JHY: variants seen among roughly 807,000 people sequenced by gnomAD.
JHY encodes the protein jhy protein homolog.
In JHY, 69 loss-of-function variants were observed where a neutral mutation model predicts 78.0. The ratio of observed to expected loss-of-function variants is 0.88; its 90% confidence interval spans 0.73 to 1.08. The LOEUF (loss-of-function observed/expected upper bound fraction) is 1.08, where lower values mean the gene tolerates loss of function less well. Among genes scored for constraint, JHY ranks in the 50% least tolerant of loss-of-function variants. The pLI is 0.00. For missense variants in JHY, 944 were observed against 927.8 expected (o/e 1.02, Z -0.23); for synonymous variants, 368 against 342.6 (o/e 1.07, Z -0.82).
At position 122,961,630 on chromosome 11, in the gene JHY, C is replaced by T. The variant is rs1864319006; in HGVS notation, c.*2185C>T. 6.6e-6 allele frequency among the ~76,000 whole-genome samples: 1 copy of T among 152,320 alleles called. No homozygotes were observed. Among genetic ancestry groups the T allele is most frequent in the South Asian group, 2.1e-4 (1 of 4,824 alleles). ...TTGGCCTTCCAAAGTGCTGGGATTA[C>T]AGGCGTTAGCTACTACACCTGGCCC... On this transcript the variant is annotated 3_prime_UTR_variant, in exon 9 of 9. Coordinates refer to ENST00000227349, the MANE Select transcript of JHY (RefSeq NM_024806.4).
In JHY at chr11:122,963,686, C is replaced by A. The variant is rs183005126; in HGVS notation, c.*4241C>A. Reference sequence around the variant, plus strand: ...TGATCAATTCATAGCATTTCTGTTTCAAATATTCAAAAGCAAAAAATAATC... The same window carrying A: ...TGATCAATTCATAGCATTTCTGTTTAAAATATTCAAAAGCAAAAAATAATC... On this transcript the variant is annotated 3_prime_UTR_variant, in exon 9 of 9. Transcript: ENST00000227349. 6.6e-6 allele frequency among the ~76,000 whole-genome samples: 1 copy of A among 152,154 alleles called. No homozygotes were observed. Among genetic ancestry groups the A allele is most frequent in the East Asian group, 1.9e-4 (1 of 5,186 alleles).
At chr11:122,909,872 T>C (rs535505425) in intron 3 of JHY, among the ~76,000 whole-genome samples, 12 of 152,316 alleles carry the variant, frequency 7.9e-5, no homozygotes, top group Admixed American at 5.9e-4. Flanking sequence ...TACATATAAG[T>C]ATAAAAGTGT....
chr11:122,941,203 A>G (rs1863868624), intron 5 of JHY, among the ~76,000 whole-genome samples: 1 of 152,204 alleles, frequency 6.6e-6, no homozygotes, highest in Non-Finnish European at 1.5e-5. Context: ...TGCTACTGAA[A>G]TGTTATTGCT....
chr11:122,904,543 C>A, intron 3 of JHY, 99 bp downstream of exon 3: 1 of 1,335,576 alleles, frequency 7.5e-7, no homozygotes, highest in Non-Finnish European at 1.0e-6. Context: ...ATGACGATGT[C>A]ATAGCAGCCA....
intron 6 of JHY, among the ~76,000 whole-genome samples, chr11:122,951,193 C>T (rs968746660): frequency 3.3e-5 from 5 of 152,194 alleles, no homozygotes; most frequent in Non-Finnish European, 7.3e-5. Context: ...CCCAAGCACC[C>T]TTCCTCTTCT....
chr11:122,955,413 G>A (rs1864167865), intron 6 of JHY, among the ~76,000 whole-genome samples: 3 of 152,224 alleles, frequency 2.0e-5, no homozygotes, highest in South Asian at 2.1e-4. Flanking sequence ...GAGTCACCGC[G>A]CCCAGCCTAA....
intron 6 of JHY, 88 bp from the exon 7 acceptor site, chr11:122,956,408 T>C: frequency 1.9e-6 from 2 of 1,079,044 alleles, no homozygotes; most frequent in Non-Finnish European, 2.7e-6. Context: ...CTTTCTTACT[T>C]TATGTGGCTA....
intron 2 of JHY, 96 bp downstream of exon 2, chr11:122,886,289 C>T: frequency 8.4e-7 from 1 of 1,189,090 alleles, no homozygotes; most frequent in South Asian, 1.6e-5. Context: ...GGCAAGCTGC[C>T]CTAATGAGCG....
intron 3 of JHY, among the ~76,000 whole-genome samples, chr11:122,913,973 G>A (rs116484853): frequency 0.02 from 3,095 of 152,312 alleles, 107 homozygotes; most frequent in African/African-American, 0.068. Flanking sequence ...AACTTGTGCT[G>A]TTAAACACTG....
intron 6 of JHY, among the ~76,000 whole-genome samples, chr11:122,953,365 G>A (rs904073401): frequency 6.6e-6 from 1 of 152,048 alleles, no homozygotes; most frequent in Admixed American, 6.6e-5. Context: ...CACTTTGGGA[G>A]GCCCAGGCAG....
intron 6 of JHY, among the ~76,000 whole-genome samples, chr11:122,948,442 TTAATAATAATAATAA>T (rs10527069): frequency 7.0e-5 from 10 of 143,502 alleles, no homozygotes; most frequent in South Asian, 4.5e-4. Context: ...AAACTTTGTC[TTAATAATAATAATAA>T]TAATAATAAT....
intron 5 of JHY, among the ~76,000 whole-genome samples, chr11:122,940,164 T>G (rs900131567): frequency 2.0e-5 from 3 of 151,838 alleles, no homozygotes; most frequent in Admixed American, 2.0e-4. Context: ...ATGGTGAAAC[T>G]CCCACTCTAC....
At chr11:122,886,236 G>A in intron 2 of JHY, 43 bp downstream of exon 2, 2 of 1,519,862 alleles carry the variant, frequency 1.3e-6, no homozygotes, top group Non-Finnish European at 1.8e-6. Context: ...GCTCTAAAAT[G>A]TATCATTAGA....
At position 122,918,618 on chromosome 11, in the gene JHY, T is replaced by C. The variant is rs911431509; in HGVS notation, c.865-6279T>C. Among the ~76,000 whole-genome samples, 79 of 151,666 alleles carry C rather than the reference T, an allele frequency of 5.2e-4. 3 individuals carry two copies. Among genetic ancestry groups the C allele is most frequent in the African/African-American group, 1.8e-3 (73 of 40,954 alleles). ...GGAAGATGAAGTTCTAGTTTCCACC[T>C]TATTTTGTCAACAGCCGGCTACCTG... On this transcript the variant is annotated intron_variant, in intron 3 of 8. Coordinates refer to ENST00000227349, the MANE Select transcript of JHY (RefSeq NM_024806.4).
chr11:122,947,764 G>A (rs1035548737), intron 6 of JHY, among the ~76,000 whole-genome samples: 2 of 152,188 alleles, frequency 1.3e-5, no homozygotes, highest in Admixed American at 6.5e-5. Context: ...GTCTCTAGCA[G>A]AGCAACCTGG....
chr11:122,956,764 G>A (rs1182671067), intron 7 of JHY, among the ~76,000 whole-genome samples, 188 bp downstream of exon 7: 2 of 152,136 alleles, frequency 1.3e-5, no homozygotes, highest in African/African-American at 4.8e-5. Context: ...AAAATATTTA[G>A]CCCGTGTTGT....
Position 122,934,869 on chromosome 11 carries a change from A to C in JHY, c.1428A>C (p.Glu476Asp). 6.2e-7 allele frequency: 1 copy of C among 1,614,016 alleles called. No homozygotes were observed. Among genetic ancestry groups the C allele is most frequent in the Non-Finnish European group, 8.5e-7 (1 of 1,179,988 alleles). The change falls in exon 5 of 9, where the codon GAA becomes GAC. Residue 476 changes from glutamate (E) to aspartate (D), a missense_variant. Glu to Asp is a conservative substitution (Grantham distance 45). Coordinates refer to ENST00000227349, the MANE Select transcript of JHY (RefSeq NM_024806.4). ...VNKERGHKDQEEKRFSYQQLH... is the reference protein window; with the variant it reads ...VNKERGHKDQDEKRFSYQQLH... Reference sequence around the variant, plus strand: ...AAGAAAGAGGACACAAAGACCAAGAAGAGAAAAGATTTTCATATCAGCAGC... The same window carrying C: ...AAGAAAGAGGACACAAAGACCAAGACGAGAAAAGATTTTCATATCAGCAGC...
chr11:122,904,047 A>G lies in JHY; in HGVS notation c.467A>G (p.Glu156Gly), dbSNP rs368922970. The change falls in exon 3 of 9, where the codon GAA (glutamate) becomes GGA (glycine). Residue 156 changes from glutamate to glycine, a missense_variant. Glu to Gly is a moderately conservative substitution (Grantham distance 98, BLOSUM62 -2). Transcript: ENST00000227349. The stretch of plus-strand genomic sequence containing the variant: ...CCGGAGTCCACGGACAGCTCTTTAG[A>G]AAATCTGCCTTTGGCTCCCCTCTAC... The part of the protein sequence containing the change: ...ALPESTDSSL[E>G]NLPLAPLYPS... 13 of 1,614,064 alleles carry G rather than the reference A, an allele frequency of 8.1e-6. No homozygotes were observed. Among genetic ancestry groups the G allele is most frequent in the South Asian group, 1.1e-5 (1 of 91,090 alleles).
chr11:122,934,735 A>G lies in JHY; in HGVS notation c.1294A>G (p.Ser432Gly). 1.2e-6 allele frequency: 2 copies of G among 1,614,244 alleles called. No individual in the cohort carries two copies. The highest frequency in any genetic ancestry group is 8.5e-7 in the Non-Finnish European group (1 of 1,180,038). The change falls in exon 5 of 9, where the codon AGC (serine) becomes GGC (glycine). Residue 432 changes from serine (S) to glycine (G), a missense_variant. By Grantham distance (56) the Ser-to-Gly change is moderately conservative. Coordinates refer to ENST00000227349, the MANE Select transcript of JHY (RefSeq NM_024806.4). Reference protein sequence around the residue: ...NDVQASRALRSHNLKETSNTF... With the variant: ...NDVQASRALRGHNLKETSNTF... ...TGTACAAGCCTCAAGGGCACTTAGA[A>G]GCCACAATCTCAAAGAAACCTCCAA... is the stretch of plus-strand genomic sequence containing the variant.
Sources: allele counts gnomAD v4.1 joint callset (sites outside exome capture counted in the v4.1 genomes callset), GRCh38; gene constraint gnomAD v4.1.1; transcripts MANE v1.5; gene names NCBI Gene and HGNC (gene_info 2026-07-23, HGNC 2026-07-21).